ANTXR2: variants seen among roughly 807,000 people sequenced by gnomAD.
ANTXR2 encodes the protein ANTXR cell adhesion molecule 2.
ANTXR2 carries 44 observed loss-of-function variants against 73.7 expected under a neutral mutation model. The ratio of observed to expected loss-of-function variants is 0.60; its 90% CI spans 0.47 to 0.77. The LOEUF is 0.77. ANTXR2 is among the 30% of genes least tolerant of loss of function. The probability of loss-of-function intolerance (pLI) is 0.00; values close to 1 mark genes in which losing one functional copy is unlikely to be tolerated. For synonymous variants in ANTXR2, 217 were observed against 205.9 expected, an observed-to-expected ratio of 1.05 and a Z score of -0.46; for missense variants, 604 against 592.5, an observed-to-expected ratio of 1.02 and a Z score of -0.20.
chr4:80,008,483 A>T, intron 12 of ANTXR2, 38 bp downstream of exon 12: 2 of 1,494,238 alleles, frequency 1.3e-6, no homozygotes, highest in Non-Finnish European at 1.8e-6. Flanking sequence ...CATCTTTCTA[A>T]TTTTTTTTAA....
intron 12 of ANTXR2, among the ~76,000 whole-genome samples, chr4:79,993,760 GCACACACA>G (rs1553931141): frequency 7.1e-6 from 1 of 140,658 alleles, no homozygotes. Context: ...ACACACACAC[GCACACACA>G]CACACACACA....
chr4:80,062,179 A>G (rs576142230), intron 3 of ANTXR2, among the ~76,000 whole-genome samples: 1 of 152,260 alleles, frequency 6.6e-6, no homozygotes, highest in Non-Finnish European at 1.5e-5. Context: ...AGACCAGCAA[A>G]TCCAAGGTAG....
chr4:79,992,156 G>T (rs906422783), intron 12 of ANTXR2, among the ~76,000 whole-genome samples: 32 of 152,110 alleles, frequency 2.1e-4, no homozygotes, highest in South Asian at 1.7e-3. Flanking sequence ...AATCATTGAA[G>T]CTGAGTAATG....
intron 16 of ANTXR2, among the ~76,000 whole-genome samples, chr4:79,957,971 A>G (rs1023381154): frequency 6.6e-6 from 1 of 152,106 alleles, no homozygotes; most frequent in Non-Finnish European, 1.5e-5. Flanking sequence ...CCTTAAAAAC[A>G]TAATTTATAG....
chr4:79,931,719 G>A (rs1429263758), intron 16 of ANTXR2, among the ~76,000 whole-genome samples: 1 of 152,126 alleles, frequency 6.6e-6, no homozygotes, highest in Non-Finnish European at 1.5e-5. Context: ...TCTGTTCCCA[G>A]ATCAACAATA....
Position 79,986,090 on chromosome 4 carries a change from C to T in ANTXR2, c.1042-1227G>A, listed in dbSNP as rs561874531. 9.9e-5 allele frequency among the ~76,000 whole-genome samples: 15 copies of T among 152,126 alleles called. No homozygotes were observed. The South Asian group carries it at 2.1e-3, about 21-fold the overall frequency. The stretch of plus-strand genomic sequence containing the variant: ...AATTCCTGATCTCGGGTGATCCACC[C>T]GCCTCGGCCCCCCAATACAGTTAAT... On this transcript the variant is annotated intron_variant, in intron 12 of 16. Coordinates refer to ENST00000403729, the MANE Select transcript of ANTXR2 (RefSeq NM_058172.6).
intron 14 of ANTXR2, among the ~76,000 whole-genome samples, chr4:79,979,493 C>A (rs554941604): frequency 6.6e-6 from 1 of 152,094 alleles, no homozygotes; most frequent in South Asian, 2.1e-4. Context: ...ATGGAAAGAA[C>A]TATTCAGTCT....
rs780210693 is a variant in ANTXR2, at chr4:79,907,457, A to G, written c.1439T>C (p.Ile480Thr). The G allele has an allele frequency of 2.5e-6, 4 of 1,613,230 alleles. No homozygotes were observed. Among genetic ancestry groups the G allele is most frequent in the Middle Eastern group, 1.7e-4 (1 of 6,058 alleles). Reference protein sequence around the residue: ...RPQEGDEGRCINFSRVPSQ With the variant: ...RPQEGDEGRCTNFSRVPSQ ...CTGAGATGGAACTCGGGAGAAGTTT[A>G]TGCACCGGCCCTGAAGAAAGAAATA... Residue 480 changes from isoleucine (I) to threonine (T), a missense_variant, in exon 17 of 17, where the codon ATA becomes ACA. By Grantham distance (89) the Ile-to-Thr change is moderately conservative. Transcript: ENST00000403729.
intron 9 of ANTXR2, among the ~76,000 whole-genome samples, chr4:80,032,690 C>G (rs763480259): frequency 3.3e-5 from 5 of 151,634 alleles, no homozygotes; most frequent in Non-Finnish European, 7.4e-5. Context: ...ATAAAATCTG[C>G]TTTACAATAT....
At chr4:79,979,360 C>T (rs1055816167) in intron 14 of ANTXR2, among the ~76,000 whole-genome samples, 5 of 150,828 alleles carry the variant, frequency 3.3e-5, no homozygotes, top group African/African-American at 7.3e-5. Context: ...TAAGAGCTAC[C>T]GAGGGCACAC....
chr4:80,067,680 C>T (rs1389425259), intron 3 of ANTXR2, among the ~76,000 whole-genome samples: 1 of 104,750 alleles, frequency 9.5e-6, no homozygotes, highest in Non-Finnish European at 1.8e-5. Flanking sequence ...GGCTCTGGCT[C>T]CTGATGAGAT....
chr4:80,001,037 C>T (rs1038570311), intron 12 of ANTXR2, among the ~76,000 whole-genome samples: 2 of 151,956 alleles, frequency 1.3e-5, no homozygotes, highest in African/African-American at 4.8e-5. Context: ...TCCCTTGTTG[C>T]TCTAAGATTG....
At chr4:79,928,228 C>T (rs1727901494) in intron 16 of ANTXR2, among the ~76,000 whole-genome samples, 1 of 152,278 alleles carries the variant, frequency 6.6e-6, no homozygotes, top group African/African-American at 2.4e-5. Flanking sequence ...AACCATAAGG[C>T]ACTATGGCAG....
At chr4:79,973,004 G>A (rs1000044305) in intron 16 of ANTXR2, among the ~76,000 whole-genome samples, 2 of 150,450 alleles carry the variant, frequency 1.3e-5, no homozygotes, top group Non-Finnish European at 3.0e-5. Flanking sequence ...ATATAAAAAT[G>A]TATAAACTAG....
chr4:79,990,305 T>C (rs1730401365), intron 12 of ANTXR2, among the ~76,000 whole-genome samples: 1 of 131,414 alleles, frequency 7.6e-6, no homozygotes, highest in Non-Finnish European at 1.6e-5. Context: ...AAACCAAATG[T>C]GCAAAAATAA....
At chr4:79,944,894 AC>A (rs1046686242) in intron 16 of ANTXR2, among the ~76,000 whole-genome samples, 6 of 152,192 alleles carry the variant, frequency 3.9e-5, no homozygotes, top group African/African-American at 1.4e-4. Flanking sequence ...AATTAAAATT[AC>A]AGAGTTGTTT....
At chr4:79,915,862 C>CTCTCTCTCTATATA (rs377006532) in intron 16 of ANTXR2, among the ~76,000 whole-genome samples, 3 of 123,878 alleles carry the variant, frequency 2.4e-5, no homozygotes, top group Non-Finnish European at 3.4e-5. Context: ...CTCTCTCTCT[C>CTCTCTCTCTATATA]TATATATATA....
intron 7 of ANTXR2, among the ~76,000 whole-genome samples, chr4:80,052,760 G>C (rs751790246): frequency 1.2e-4 from 18 of 151,508 alleles, no homozygotes; most frequent in Non-Finnish European, 1.8e-4. Context: ...AGAACTTTAG[G>C]CAAGAAAGGC....
intron 12 of ANTXR2, among the ~76,000 whole-genome samples, chr4:79,988,992 A>T (rs1169165903): frequency 6.6e-6 from 1 of 152,126 alleles, no homozygotes; most frequent in Non-Finnish European, 1.5e-5. Context: ...GACACGGCTA[A>T]AGCAGTTTTC....
Sources: allele counts gnomAD v4.1 joint callset (sites outside exome capture counted in the v4.1 genomes callset), GRCh38; gene constraint gnomAD v4.1.1; transcripts MANE v1.5; gene names NCBI Gene and HGNC (gene_info 2026-07-23, HGNC 2026-07-21).